The following TEKT3 variants were observed in gnomAD, a reference collection of about 807,000 sequenced individuals.
The protein encoded by TEKT3 is tektin-3.
In TEKT3, 49 loss-of-function variants were observed where a neutral mutation model predicts 49.8. The ratio of observed to expected loss-of-function variants is 0.98; its 90% CI spans 0.78 to 1.25. The LOEUF (loss-of-function observed/expected upper bound fraction) is 1.25, where lower values mean the gene tolerates loss of function less well. Ranked by LOEUF, TEKT3 falls within the 50% of genes most tolerant of loss-of-function variation. The pLI is 0.00. For missense variants in TEKT3, 595 were observed against 629.5 expected (o/e 0.95, Z 0.59); for synonymous variants, 225 against 237.2 (o/e 0.95, Z 0.47).
At chr17:15,327,737 C>G (rs1183417348) in intron 4 of TEKT3, 2 of 389,778 alleles carry the variant, frequency 5.1e-6, no homozygotes, top group Non-Finnish European at 9.2e-6. Context: ...CTGAAATACT[C>G]CAAAATTAAT....
rs777881310 is a variant in TEKT3 at position 15,327,983 on chromosome 17, C to T, written c.663+9G>A. 7 of 1,613,016 alleles carry T rather than the reference C, an allele frequency of 4.3e-6. 1 individual carries two copies. The South Asian group carries it at 5.5e-5, about 13-fold the overall frequency. ...CTGCCTGTGACTGATGCATTTCCCC[C>T]ACATTTACCGTCAGCAGTTGTGCTT... On this transcript the variant is annotated intron_variant, in intron 4 of 8. Coordinates refer to ENST00000395930, the MANE Select transcript of TEKT3 (RefSeq NM_031898.3).
rs778820482 is a variant in TEKT3 at position 15,314,152 on chromosome 17, G to T, written c.813C>A (p.Cys271Ter). The T allele has an allele frequency of 6.2e-6, 10 of 1,614,118 alleles. No individual in the cohort carries two copies. The highest frequency in any genetic ancestry group is 1.1e-5 in the South Asian group (1 of 91,088). The change falls in exon 6 of 9, where the codon TGC becomes TGA. Residue 271 changes from cysteine (C) to a stop codon, truncating the protein, a stop_gained. Transcript: ENST00000395930. LOFTEE classifies it high-confidence loss of function. ...CGTCTGATGTGTTGCGCAGGTGGTG[G>T]CATTTGTCGTCGATCCGGTAAGCCG... The part of the protein sequence containing the change: ...KQTAYRIDDK[C>*]HHLRNTSDGV...
At chr17:15,339,130 T>C (rs1268798603) in intron 2 of TEKT3, among the ~76,000 whole-genome samples, 1 of 152,134 alleles carries the variant, frequency 6.6e-6, no homozygotes, top group East Asian at 1.9e-4. Flanking sequence ...GGGAGTGGAT[T>C]AGTTATCACA....
intron 5 of TEKT3, among the ~76,000 whole-genome samples, chr17:15,315,449 A>T (rs1297841170): frequency 2.6e-5 from 4 of 152,190 alleles, no homozygotes; most frequent in African/African-American, 9.6e-5. Context: ...TTAGGGGGCC[A>T]CTGCAGTTAC....
At chr17:15,311,124 G>A (rs1208500956) in intron 7 of TEKT3, 1 of 152,232 alleles carries the variant, frequency 6.6e-6, no homozygotes, top group Non-Finnish European at 1.5e-5. Flanking sequence ...TCTCTGTAAT[G>A]TAAACTTCCT....
At chr17:15,307,100 A>T (rs1910584722) in intron 8 of TEKT3, 1 of 152,250 alleles carries the variant, frequency 6.6e-6, no homozygotes, top group Non-Finnish European at 1.5e-5. Flanking sequence ...AGCACGCTTC[A>T]TGGCACTCAA....
At chr17:15,339,795 C>A (rs1485825174) in intron 2 of TEKT3, among the ~76,000 whole-genome samples, 2 of 151,948 alleles carry the variant, frequency 1.3e-5, no homozygotes, top group Non-Finnish European at 2.9e-5. Context: ...TAAATAGGAG[C>A]GGAAATAAAA....
chr17:15,337,537 C>A (rs1045080273), intron 2 of TEKT3, among the ~76,000 whole-genome samples: 1 of 152,088 alleles, frequency 6.6e-6, no homozygotes, highest in Non-Finnish European at 1.5e-5. Flanking sequence ...ATATAAAACA[C>A]AAATAAGTTA....
intron 2 of TEKT3, among the ~76,000 whole-genome samples, chr17:15,333,278 A>G (rs1211617471): frequency 6.6e-6 from 1 of 152,228 alleles, no homozygotes; most frequent in Non-Finnish European, 1.5e-5. Context: ...GCTCAGAAAA[A>G]TAAAAATTCT....
At chr17:15,338,853 G>A (rs1912112215) in intron 2 of TEKT3, among the ~76,000 whole-genome samples, 1 of 152,000 alleles carries the variant, frequency 6.6e-6, no homozygotes, top group Non-Finnish European at 1.5e-5. Context: ...CACATACTAA[G>A]ATCATTAACC....
chr17:15,311,059 G>A (rs1337804032), intron 7 of TEKT3: 2 of 152,170 alleles, frequency 1.3e-5, no homozygotes, highest in Non-Finnish European at 2.9e-5. Flanking sequence ...TGATAATCAT[G>A]ATTTGCAATA....
intron 1 of TEKT3, chr17:15,340,379 C>CAAAAA (rs11351552): frequency 1.1e-3 from 148 of 129,382 alleles, no homozygotes; most frequent in African/African-American, 4.1e-3. Context: ...ACTAAAAATA[C>CAAAAA]AAAAAAAAAA....
intron 5 of TEKT3, among the ~76,000 whole-genome samples, chr17:15,317,125 A>G (rs1171533271): frequency 6.6e-6 from 1 of 152,128 alleles, no homozygotes; most frequent in Non-Finnish European, 1.5e-5. Flanking sequence ...CCATCCCGGG[A>G]AGTGAGGTAG....
At chr17:15,333,201 T>C (rs1485634163) in intron 2 of TEKT3, among the ~76,000 whole-genome samples, 1 of 152,166 alleles carries the variant, frequency 6.6e-6, no homozygotes. Context: ...CATTCTGTTT[T>C]GGGGTTAATG....
rs756380527 is a variant in TEKT3 at position 15,331,220 on chromosome 17, CA to C, written c.365del (p.Val122GlyfsTer6). The C allele has an allele frequency of 1.2e-6, 2 of 1,614,116 alleles. No homozygotes were observed. Among genetic ancestry groups the C allele is most frequent in the Non-Finnish European group, 8.5e-7 (1 of 1,180,028 alleles). On this transcript the variant is annotated frameshift_variant, in exon 3 of 9. Transcript: ENST00000395930. LOFTEE classifies it high-confidence loss of function. ...TGTCTTGAATCAGGCGAGATGTATC[CA>C]CTCTTAGTTTCTCCGAATTATGTCG... ...TSRHNSEKLR[V>X]DTSRLIQDKY...
At chr17:15,330,400 A>G (rs1911673318) in intron 3 of TEKT3, among the ~76,000 whole-genome samples, 1 of 152,054 alleles carries the variant, frequency 6.6e-6, no homozygotes, top group Non-Finnish European at 1.5e-5. Context: ...GTGGGGGTAG[A>G]TCCTTCATGA....
At chr17:15,326,199 C>T (rs987953312) in intron 4 of TEKT3, among the ~76,000 whole-genome samples, 2 of 152,132 alleles carry the variant, frequency 1.3e-5, no homozygotes, top group South Asian at 2.1e-4. Flanking sequence ...TCTGAGGACT[C>T]GGCTGCTACC....
At chr17:15,330,876 C>G (rs1223140813) in intron 3 of TEKT3, 131 bp downstream of exon 3, 5 of 958,162 alleles carry the variant, frequency 5.2e-6, no homozygotes, top group Non-Finnish European at 7.5e-6. Context: ...TGAAAACAGT[C>G]ACAGATTTAT....
chr17:15,321,256 G>T (rs186167757), intron 4 of TEKT3, among the ~76,000 whole-genome samples: 1 of 151,988 alleles, frequency 6.6e-6, no homozygotes, highest in Non-Finnish European at 1.5e-5. Flanking sequence ...TGATCCACCC[G>T]CCTCGGCTTC....
Sources: gnomAD v4.1 joint callset for allele counts (sites outside exome capture counted in the v4.1 genomes callset) on GRCh38, gnomAD v4.1.1 for gene constraint, MANE v1.5 for transcripts, NCBI Gene and HGNC (gene_info 2026-07-23, HGNC 2026-07-21) for gene names.